Variants in TRPC6 observed in about 807,000 individuals in gnomAD.
TRPC6 encodes the protein short transient receptor potential channel 6.
In TRPC6, 55 loss-of-function variants were observed where a neutral mutation model predicts 90.7. That is an observed-to-expected ratio of 0.61 (90% confidence interval 0.49 to 0.76). The LOEUF is 0.76. Ranked by LOEUF, TRPC6 falls within the 30% of genes least tolerant of loss-of-function variation. The pLI is 0.00. For synonymous variants in TRPC6, 393 were observed against 393.0 expected, an observed-to-expected ratio of 1.00 and a Z score of 0.00; for missense variants, 989 against 1,122.7, an observed-to-expected ratio of 0.88 and a Z score of 1.70.
rs191373608 is a variant in TRPC6 at position 101,544,863 on chromosome 11, G to C, written c.170+38471C>G. 6.2e-5 allele frequency among the ~76,000 whole-genome samples: 9 copies of C among 144,812 alleles called. No individual in the cohort carries two copies. In the East Asian group the frequency reaches 1.4e-3, roughly 23 times the overall value. On this transcript the variant is annotated intron_variant, in intron 1 of 12. Coordinates refer to ENST00000344327, the MANE Select transcript of TRPC6 (RefSeq NM_004621.6). ...CTGCATGTTCTGCACATATACCCCA[G>C]AACTTAAAGTATAATTAAAAAAAAT...
rs145182975 is a variant in TRPC6 at position 101,470,771 on chromosome 11, A to G, written c.2409+412T>C. Reference sequence around the variant, plus strand: ...GAGCAACTGATTTCTGAACTTTTCAATGTAGAAGCTATCTAAGAGTTAATC... The same window carrying G: ...GAGCAACTGATTTCTGAACTTTTCAGTGTAGAAGCTATCTAAGAGTTAATC... On this transcript the variant is annotated intron_variant, in intron 9 of 12. Transcript: ENST00000344327. Among the ~76,000 whole-genome samples, 751 of 150,484 alleles carry G rather than the reference A, an allele frequency of 5.0e-3. 7 individuals carry two copies. The highest frequency in any genetic ancestry group is 0.018 in the African/African-American group (719 of 41,032).
At chr11:101,475,733 C>CT (rs1859399065) in intron 6 of TRPC6, among the ~76,000 whole-genome samples, 1 of 151,940 alleles carries the variant, frequency 6.6e-6, no homozygotes, top group Admixed American at 6.6e-5. Context: ...TACCATTTGT[C>CT]TTTCTGTGCC....
chr11:101,460,284 C>T (rs1257204447), intron 10 of TRPC6, among the ~76,000 whole-genome samples: 1 of 152,108 alleles, frequency 6.6e-6, no homozygotes, highest in African/African-American at 2.4e-5. Flanking sequence ...CACCAAAATC[C>T]ACTGATGCCC....
At position 101,452,823 on chromosome 11, in the gene TRPC6, G is replaced by A. The variant is rs868351644; in HGVS notation, c.*132C>T. On this transcript the variant is annotated 3_prime_UTR_variant, in exon 13 of 13. Coordinates refer to ENST00000344327, the MANE Select transcript of TRPC6 (RefSeq NM_004621.6). ...AAAATTAGATACTAGGGCTCCAGATGATAGGATGGCCCAAGTTATTTAACG... is the reference window on the plus strand; with the variant it reads ...AAAATTAGATACTAGGGCTCCAGATAATAGGATGGCCCAAGTTATTTAACG... 1 of 1,049,962 alleles carries A rather than the reference G, an allele frequency of 9.5e-7. No individual in the cohort carries two copies. The highest frequency in any genetic ancestry group is 2.4e-5 in the East Asian group (1 of 41,514). The allele number at this position is 1,049,962 out of a possible 1,614,324, so 65.0% of individuals were successfully genotyped here. A position where few individuals can be genotyped will look rare whatever the true frequency, so the allele number is the denominator to read the frequency against.
chr11:101,548,260 TAC>T (rs199523271), intron 1 of TRPC6, among the ~76,000 whole-genome samples: 33,077 of 115,480 alleles, frequency 0.29, 4,446 homozygotes, highest in East Asian at 0.38. Flanking sequence ...CATATATATA[TAC>T]ATATATATAT....
chr11:101,566,647 A>C (rs1475404877), intron 1 of TRPC6, among the ~76,000 whole-genome samples: 1 of 152,168 alleles, frequency 6.6e-6, no homozygotes, highest in Non-Finnish European at 1.5e-5. Context: ...ATAGACGCAG[A>C]AGGCAGGTAA....
chr11:101,566,442 T>G (rs1039903434), intron 1 of TRPC6, among the ~76,000 whole-genome samples: 2 of 152,210 alleles, frequency 1.3e-5, no homozygotes, highest in Admixed American at 6.5e-5. Context: ...ACAAAAAAGA[T>G]GTATCCCCAT....
In TRPC6 at chr11:101,452,882, TAAGAA is replaced by T. The variant is rs1858794658; in HGVS notation, c.*68_*72del. ...TTTAAAAGGTGGGCCCATTGGCACT[TAAGAA>T]AATAAATCAGAAAATAATATGGCTT... On this transcript the variant is annotated 3_prime_UTR_variant, in exon 13 of 13. Coordinates refer to ENST00000344327, the MANE Select transcript of TRPC6 (RefSeq NM_004621.6). The T allele has an allele frequency of 5.0e-6, 8 of 1,585,376 alleles. No individual in the cohort carries two copies. Among genetic ancestry groups the T allele is most frequent in the Middle Eastern group, 1.8e-4 (1 of 5,572 alleles).
At chr11:101,568,711 A>T (rs1312841433) in intron 1 of TRPC6, among the ~76,000 whole-genome samples, 2 of 152,214 alleles carry the variant, frequency 1.3e-5, no homozygotes, top group Non-Finnish European at 2.9e-5. Context: ...GCCAATATTC[A>T]ACATTCTTAA....
At chr11:101,573,964 G>GTA (rs1862021324) in intron 1 of TRPC6, among the ~76,000 whole-genome samples, 1 of 144,030 alleles carries the variant, frequency 6.9e-6, no homozygotes, top group Admixed American at 7.0e-5. Context: ...GTGTATGTGT[G>GTA]TGTGTGTTGA....
chr11:101,504,547 A>G lies in TRPC6; in HGVS notation c.422T>C (p.Val141Ala). Residue 141 changes from valine to alanine, a missense_variant, in exon 2 of 13, where the codon GTG (valine) becomes GCG (alanine). Coordinates refer to ENST00000344327, the MANE Select transcript of TRPC6 (RefSeq NM_004621.6). Reference sequence around the variant, plus strand: ...TGTAATTTCCAGATGCTCATTGGCCACTGCCAACTGTAGGGCATTCTGGCC... The same window carrying G: ...TGTAATTTCCAGATGCTCATTGGCCGCTGCCAACTGTAGGGCATTCTGGCC... ...YMGQNALQLA[V>A]ANEHLEITEL... 1 of 1,614,194 alleles carries G rather than the reference A, an allele frequency of 6.2e-7. No individual in the cohort carries two copies. The highest frequency in any genetic ancestry group is 8.5e-7 in the Non-Finnish European group (1 of 1,180,012).
chr11:101,532,361 C>T (rs183675471), intron 1 of TRPC6, among the ~76,000 whole-genome samples: 85 of 152,304 alleles, frequency 5.6e-4, no homozygotes, highest in Admixed American at 1.4e-3. Flanking sequence ...TGCCTCACTC[C>T]ACCTTTGAGG....
intron 10 of TRPC6, among the ~76,000 whole-genome samples, chr11:101,458,186 T>G (rs1480965349): frequency 1.3e-5 from 2 of 152,174 alleles, no homozygotes; most frequent in Admixed American, 1.3e-4. Context: ...ACATATTGCT[T>G]TCACACCATC....
At chr11:101,455,162 T>G (rs539284971) in intron 10 of TRPC6, 61 bp from the exon 11 acceptor site, 2 of 1,340,638 alleles carry the variant, frequency 1.5e-6, no homozygotes, top group East Asian at 2.3e-5. Flanking sequence ...AATAAAGTAG[T>G]GAGATTAGTT....
intron 4 of TRPC6, among the ~76,000 whole-genome samples, chr11:101,487,182 A>G (rs530061557): frequency 1.3e-5 from 2 of 152,166 alleles, no homozygotes; most frequent in Non-Finnish European, 2.9e-5. Flanking sequence ...CACACTGGTT[A>G]TGGAAAAGGA....
intron 1 of TRPC6, among the ~76,000 whole-genome samples, chr11:101,575,542 G>A (rs985124325): frequency 1.3e-5 from 2 of 152,036 alleles, no homozygotes; most frequent in Admixed American, 6.6e-5. Flanking sequence ...TTTGTGATAC[G>A]GATTAAATGA....
intron 5 of TRPC6, among the ~76,000 whole-genome samples, chr11:101,482,174 G>A (rs972677602): frequency 2.0e-5 from 3 of 152,116 alleles, no homozygotes; most frequent in Non-Finnish European, 2.9e-5. Context: ...TTTACTTACT[G>A]ACCTGCCTCC....
In TRPC6 at chr11:101,491,610, G is replaced by A. The variant is rs745979751; in HGVS notation, c.1074C>T (p.His358=). The A allele has an allele frequency of 9.9e-6, 16 of 1,613,716 alleles. No individual in the cohort carries two copies. The highest frequency in any genetic ancestry group is 5.0e-5 in the Admixed American group (3 of 59,980). Residue 358 remains histidine (H), a synonymous_variant, in exon 3 of 13, where the codon CAC becomes CAT. Transcript: ENST00000344327. The part of the protein sequence containing the change: ...GDVETLQSGD[H]GRPNLSRLKL... ...TTAAACGGCTGAGATTTGGGCGACC[G>A]TGATCACCACTCTGGAGCGTTTCAA...
At chr11:101,501,905 A>C in intron 2 of TRPC6, among the ~76,000 whole-genome samples, 1 of 152,218 alleles carries the variant, frequency 6.6e-6, no homozygotes, top group African/African-American at 2.4e-5. Flanking sequence ...AGTGATTTTT[A>C]AAAGACATTA....
Sources: allele counts gnomAD v4.1 joint callset (sites outside exome capture counted in the v4.1 genomes callset), GRCh38; gene constraint gnomAD v4.1.1; transcripts MANE v1.5; gene names NCBI Gene and HGNC (gene_info 2026-07-23, HGNC 2026-07-21).